LHFPL3: variants seen among roughly 807,000 people sequenced by gnomAD.
LHFPL3 encodes LHFPL tetraspan subfamily member 3 protein.
A neutral mutation model predicts 19.3 loss-of-function variants in LHFPL3; 5 were observed. The observed-to-expected ratio is 0.26, with a 90% CI of 0.14 to 0.54. The LOEUF (loss-of-function observed/expected upper bound fraction) is 0.54. LHFPL3 is among the 20% of genes least tolerant of loss of function. The pLI, the probability that LHFPL3 is intolerant of heterozygous loss-of-function variation, is 0.94. For missense variants in LHFPL3, 249 were observed against 307.4 expected (o/e 0.81, Z 1.42); for synonymous variants, 133 against 126.2 (o/e 1.05, Z -0.36).
chr7:104,449,778 A>G (rs1056664199), intron 1 of LHFPL3, among the ~76,000 whole-genome samples: 3 of 152,170 alleles, frequency 2.0e-5, no homozygotes, highest in Non-Finnish European at 4.4e-5. Context: ...ATTTTTTGCC[A>G]TGATAATGGA....
chr7:104,746,248 G>A (rs561717738), intron 2 of LHFPL3, among the ~76,000 whole-genome samples: 7 of 152,244 alleles, frequency 4.6e-5, no homozygotes, highest in Admixed American at 3.3e-4. Flanking sequence ...TAAGGTGGAG[G>A]TTGCAGTGAA....
At chr7:104,527,108 T>C (rs968916430) in intron 1 of LHFPL3, among the ~76,000 whole-genome samples, 12 of 152,244 alleles carry the variant, frequency 7.9e-5, no homozygotes, top group African/African-American at 2.9e-4. Context: ...GGCAAAGGCC[T>C]TGAGGTGAAA....
At chr7:104,427,674 C>T (rs1791875375) in intron 1 of LHFPL3, among the ~76,000 whole-genome samples, 2 of 152,290 alleles carry the variant, frequency 1.3e-5, no homozygotes, top group Admixed American at 6.5e-5. Flanking sequence ...CTTTTCTTTG[C>T]TGTGAGTTGA....
chr7:104,396,025 G>T (rs963410905), intron 1 of LHFPL3, among the ~76,000 whole-genome samples: 2 of 152,148 alleles, frequency 1.3e-5, no homozygotes, highest in Non-Finnish European at 2.9e-5. Flanking sequence ...AGGGAAGGAC[G>T]CTTTGGAAGA....
chr7:104,765,969 G>A (rs1309791530), intron 2 of LHFPL3, among the ~76,000 whole-genome samples: 1 of 152,204 alleles, frequency 6.6e-6, no homozygotes, highest in Non-Finnish European at 1.5e-5. Flanking sequence ...CTATGGAATA[G>A]TTTTGAAACT....
chr7:104,518,850 A>AGATAAATAGATAGAAAG (rs748597414), intron 1 of LHFPL3, among the ~76,000 whole-genome samples: 4 of 139,980 alleles, frequency 2.9e-5, no homozygotes, highest in African/African-American at 1.1e-4. Context: ...TAGATAGAAT[A>AGATAAATAGATAGAAAG]AATAAAAAAA....
intron 1 of LHFPL3, among the ~76,000 whole-genome samples, chr7:104,734,007 C>G (rs1280218248): frequency 6.6e-6 from 1 of 152,186 alleles, no homozygotes; most frequent in Non-Finnish European, 1.5e-5. Context: ...ATATGAAATT[C>G]TGGGTTGAAA....
At chr7:104,820,536 T>C (rs1035532186) in intron 2 of LHFPL3, among the ~76,000 whole-genome samples, 2 of 152,158 alleles carry the variant, frequency 1.3e-5, no homozygotes, top group Non-Finnish European at 2.9e-5. Flanking sequence ...CCAGGGCTCT[T>C]TGCTGAAGCT....
chr7:104,860,097 CACTCAGTGTTGG>C (rs1403904363), intron 2 of LHFPL3, among the ~76,000 whole-genome samples: 1 of 152,086 alleles, frequency 6.6e-6, no homozygotes, highest in Non-Finnish European at 1.5e-5. Context: ...CCCATAACCC[CACTCAGTGTTGG>C]ACTGGGACTT....
intron 2 of LHFPL3, among the ~76,000 whole-genome samples, chr7:104,834,112 G>A (rs1379149393): frequency 6.0e-5 from 9 of 150,754 alleles, no homozygotes; most frequent in South Asian, 2.1e-4. Flanking sequence ...GTTTATATTC[G>A]ATGGCAACTG....
chr7:104,613,474 C>T (rs2193206), intron 1 of LHFPL3, among the ~76,000 whole-genome samples: 54,857 of 151,928 alleles, frequency 0.36, 10,115 homozygotes, highest in South Asian at 0.48. Flanking sequence ...TAGAAAATGA[C>T]GATTCTTTTG....
chr7:104,633,123 T>C (rs962958104), intron 1 of LHFPL3, among the ~76,000 whole-genome samples: 3 of 152,188 alleles, frequency 2.0e-5, no homozygotes, highest in Non-Finnish European at 4.4e-5. Flanking sequence ...TCTAGTTCTA[T>C]AAGAGGCTTC....
Position 104,399,372 on chromosome 7 carries a change from A to T in LHFPL3, c.445+70148A>T, listed in dbSNP as rs920102376. Among the ~76,000 whole-genome samples, 1 of 151,782 alleles carries T rather than the reference A, an allele frequency of 6.6e-6. No individual in the cohort carries two copies. Among genetic ancestry groups the T allele is most frequent in the Non-Finnish European group, 1.5e-5 (1 of 67,954 alleles). Reference sequence around the variant, plus strand: ...CTATTGCTCTGATAATTTTTTTCCCATTTATCCTGTAACTGGATGGGATCA... The same window carrying T: ...CTATTGCTCTGATAATTTTTTTCCCTTTTATCCTGTAACTGGATGGGATCA... On this transcript the variant is annotated intron_variant, in intron 1 of 2. Transcript: ENST00000424859. This position sits in a 1 kb window ranked among gnomAD's most constrained non-coding sequence, Gnocchi z 4.4.
intron 2 of LHFPL3, among the ~76,000 whole-genome samples, chr7:104,813,169 T>G (rs770074387): frequency 6.6e-6 from 1 of 151,708 alleles, no homozygotes; most frequent in Non-Finnish European, 1.5e-5. Context: ...TGCCAGCTAC[T>G]GGGGAGGCTG....
intron 1 of LHFPL3, among the ~76,000 whole-genome samples, chr7:104,342,149 T>G (rs1371469976): frequency 6.6e-6 from 1 of 152,050 alleles, no homozygotes; most frequent in Admixed American, 6.6e-5. Flanking sequence ...AGACTGGAGA[T>G]GGACACATGG....
intron 1 of LHFPL3, among the ~76,000 whole-genome samples, chr7:104,615,231 A>G (rs1208906260): frequency 1.3e-5 from 2 of 152,236 alleles, no homozygotes. Flanking sequence ...ATTTACAAAG[A>G]TGATTTAGAG....
At chr7:104,741,600 A>T (rs2116318251) in intron 2 of LHFPL3, among the ~76,000 whole-genome samples, 1 of 151,638 alleles carries the variant, frequency 6.6e-6, no homozygotes, top group Middle Eastern at 3.4e-3. Flanking sequence ...CAGTGACACG[A>T]TCATAGCTCA....
chr7:104,373,643 G>A (rs1790653123), intron 1 of LHFPL3, among the ~76,000 whole-genome samples: 1 of 144,878 alleles, frequency 6.9e-6, no homozygotes, highest in African/African-American at 2.5e-5. Flanking sequence ...ATACATTTAA[G>A]AAATACATTG....
At chr7:104,719,510 A>C (rs1793448103) in intron 1 of LHFPL3, among the ~76,000 whole-genome samples, 1 of 152,202 alleles carries the variant, frequency 6.6e-6, no homozygotes, top group African/African-American at 2.4e-5. Flanking sequence ...TTCCCATTCC[A>C]CACATTTAGC....
Sources: allele counts gnomAD v4.1 joint callset (sites outside exome capture counted in the v4.1 genomes callset), GRCh38; gene constraint gnomAD v4.1.1; non-coding constraint Gnocchi (gnomAD v3.1); transcripts MANE v1.5; gene names NCBI Gene and HGNC (gene_info 2026-07-23, HGNC 2026-07-21).